The following MEGF11 variants were observed in gnomAD, a reference collection of about 807,000 sequenced individuals.
MEGF11 encodes the protein multiple epidermal growth factor-like domains protein 11.
MEGF11 carries 126 observed loss-of-function variants against 146.6 expected under a neutral mutation model. The ratio of observed to expected loss-of-function variants is 0.86; its 90% confidence interval spans 0.74 to 1.00. The LOEUF (loss-of-function observed/expected upper bound fraction) is 1.00, where lower values mean the gene tolerates loss of function less well. Among genes scored for constraint, MEGF11 ranks in the 50% least tolerant of loss-of-function variants. The pLI is 0.00. For missense variants in MEGF11, 1,509 were observed against 1,521.2 expected (o/e 0.99, Z 0.13); for synonymous variants, 532 against 583.4 (o/e 0.91, Z 1.27).
At chr15:65,915,706 A>G (rs904847583) in intron 18 of MEGF11, 108 bp from the exon 19 acceptor site, 18 of 1,390,210 alleles carry the variant, frequency 1.3e-5, no homozygotes, top group Non-Finnish European at 4.9e-6. Flanking sequence ...CACTGAGTGA[A>G]GCCTATTCCC....
intron 13 of MEGF11, among the ~76,000 whole-genome samples, chr15:65,927,016 G>A (rs1251761428): frequency 6.6e-6 from 1 of 152,194 alleles, no homozygotes; most frequent in Non-Finnish European, 1.5e-5. Context: ...AACACAGGCT[G>A]TGCAGCAACC....
intron 7 of MEGF11, among the ~76,000 whole-genome samples, chr15:65,971,591 A>G (rs1002744101): frequency 1.3e-5 from 2 of 152,128 alleles, no homozygotes; most frequent in African/African-American, 4.8e-5. Flanking sequence ...TGACTGCCGG[A>G]CTGAACTCCC....
chr15:66,183,678 G>C (rs1043949601), intron 1 of MEGF11, among the ~76,000 whole-genome samples: 10 of 152,200 alleles, frequency 6.6e-5, no homozygotes, highest in African/African-American at 2.4e-4. Flanking sequence ...GAAAGAATGT[G>C]AGGTCCAGAG....
chr15:66,068,214 G>A lies in MEGF11; in HGVS notation c.394+26188C>T, dbSNP rs545870881. Among the ~76,000 whole-genome samples, 4 of 152,302 alleles carry A rather than the reference G, an allele frequency of 2.6e-5. No individual in the cohort carries two copies. In the South Asian group the frequency reaches 8.3e-4, roughly 32 times the overall value. On this transcript the variant is annotated intron_variant, in intron 5 of 25. Transcript: ENST00000395614. Reference sequence around the variant, plus strand: ...GGGATCCTGTCCTGTGCACTGCCTGGTGCATAGTAGGTACCTGATATATAA... The same window carrying A: ...GGGATCCTGTCCTGTGCACTGCCTGATGCATAGTAGGTACCTGATATATAA...
intron 1 of MEGF11, among the ~76,000 whole-genome samples, chr15:66,151,604 T>C (rs908163516): frequency 2.0e-5 from 3 of 152,232 alleles, no homozygotes; most frequent in African/African-American, 7.2e-5. Flanking sequence ...TCTCCTGATC[T>C]TCTAAGGAGT....
rs1164420476 is a variant in MEGF11, at chr15:66,094,322, T to C, written c.394+80A>G. 4.1e-6 allele frequency: 5 copies of C among 1,218,234 alleles called. No individual in the cohort carries two copies. The Admixed American group carries it at 8.9e-5, about 22-fold the overall frequency. 75.5% of individuals were successfully genotyped at this position (1,218,234 alleles called of 1,614,324 possible). ...AAGTCGCCCCAGCACAACACAAAAA[T>C]GTAGCATGCACACACCACAACCCAC... On this transcript the variant is annotated intron_variant, in intron 5 of 25. Transcript: ENST00000395614.
intron 5 of MEGF11, among the ~76,000 whole-genome samples, chr15:65,983,301 C>T (rs894538921): frequency 6.6e-6 from 1 of 152,190 alleles, no homozygotes; most frequent in African/African-American, 2.4e-5. Flanking sequence ...ATAGCTGAGC[C>T]AGTGTTGCAG....
At chr15:65,954,450 A>G (rs928634632) in intron 10 of MEGF11, among the ~76,000 whole-genome samples, 4 of 152,172 alleles carry the variant, frequency 2.6e-5, no homozygotes, top group Non-Finnish European at 5.9e-5. Context: ...GGAGTGAGTC[A>G]TGCTGGTTGA....
intron 5 of MEGF11, among the ~76,000 whole-genome samples, chr15:65,996,070 G>A (rs2082188221): frequency 6.6e-6 from 1 of 152,174 alleles, no homozygotes; most frequent in Admixed American, 6.5e-5. Flanking sequence ...GGGAGCTGTG[G>A]ACACTGGGGT....
At chr15:66,213,644 T>C (rs2091516061) in intron 1 of MEGF11, among the ~76,000 whole-genome samples, 1 of 151,938 alleles carries the variant, frequency 6.6e-6, no homozygotes, top group South Asian at 2.1e-4. Context: ...CTTGAACTCC[T>C]GGCTTCAAAC....
chr15:66,192,017 G>A (rs2090895969), intron 1 of MEGF11, among the ~76,000 whole-genome samples: 1 of 152,114 alleles, frequency 6.6e-6, no homozygotes, highest in Non-Finnish European at 1.5e-5. Context: ...GGCGGAGTCT[G>A]CAGTGAGCCG....
At chr15:65,997,610 A>C (rs1361862050) in intron 5 of MEGF11, among the ~76,000 whole-genome samples, 1 of 152,124 alleles carries the variant, frequency 6.6e-6, no homozygotes, top group African/African-American at 2.4e-5. Context: ...GCCTACTTTC[A>C]TCCTTTTGTT....
intron 1 of MEGF11, among the ~76,000 whole-genome samples, chr15:66,178,569 G>A (rs1350230584): frequency 2.0e-5 from 3 of 152,232 alleles, no homozygotes; most frequent in South Asian, 2.1e-4. Context: ...GCAGTCAGGA[G>A]AGCAAATCCA....
At chr15:66,042,385 C>T (rs1048700352) in intron 5 of MEGF11, among the ~76,000 whole-genome samples, 3 of 152,118 alleles carry the variant, frequency 2.0e-5, no homozygotes, top group Non-Finnish European at 4.4e-5. Flanking sequence ...GCTGGGATTA[C>T]AGGCATGAGC....
At chr15:66,125,485 C>T (rs1417266574) in intron 2 of MEGF11, among the ~76,000 whole-genome samples, 1 of 152,104 alleles carries the variant, frequency 6.6e-6, no homozygotes, top group Non-Finnish European at 1.5e-5. Flanking sequence ...AGTAGGAGGG[C>T]GAGTTTGAAG....
chr15:66,072,496 C>A (rs557124635), intron 5 of MEGF11, among the ~76,000 whole-genome samples: 1 of 152,194 alleles, frequency 6.6e-6, no homozygotes, highest in Non-Finnish European at 1.5e-5. Context: ...AGGGTAATAT[C>A]CATGAAAGCA....
chr15:66,201,806 G>T (rs950150143), intron 1 of MEGF11, among the ~76,000 whole-genome samples: 2 of 148,572 alleles, frequency 1.3e-5, no homozygotes, highest in Admixed American at 6.7e-5. Flanking sequence ...AATTAACCAG[G>T]CATGTTGGTG....
intron 1 of MEGF11, among the ~76,000 whole-genome samples, chr15:66,190,822 G>T (rs1392531700): frequency 6.6e-6 from 1 of 152,108 alleles, no homozygotes; most frequent in Non-Finnish European, 1.5e-5. Context: ...ATTAGTCCAG[G>T]AAGGGCCTAA....
Position 65,945,579 on chromosome 15 carries a change from C to T in MEGF11, c.1287+11968G>A, listed in dbSNP as rs138813288. ...TGGTAAAATGTCGGTGGCACCATCACAGCCCTCAGAGGGCAGTGAGAGCAC... is the reference window on the plus strand; with the variant it reads ...TGGTAAAATGTCGGTGGCACCATCATAGCCCTCAGAGGGCAGTGAGAGCAC... On this transcript the variant is annotated intron_variant, in intron 10 of 25. Coordinates refer to ENST00000395614, the MANE Select transcript of MEGF11 (RefSeq NM_001385028.1). Among the ~76,000 whole-genome samples, 33 of 152,294 alleles carry T rather than the reference C, an allele frequency of 2.2e-4. No individual in the cohort carries two copies. In the East Asian group the frequency reaches 5.8e-3, roughly 27 times the overall value.
Sources: allele counts gnomAD v4.1 joint callset (sites outside exome capture counted in the v4.1 genomes callset), GRCh38; gene constraint gnomAD v4.1.1; transcripts MANE v1.5; gene names NCBI Gene and HGNC (gene_info 2026-07-23, HGNC 2026-07-21).